GGTA1: variants seen among roughly 807,000 people sequenced by gnomAD.
GGTA1 encodes inactive N-acetyllactosaminide alpha-1,3-galactosyltransferase.
Under a neutral mutation model 2.6 loss-of-function variants are expected in GGTA1, and 5 were observed. The ratio of observed to expected loss-of-function variants is 1.92; its 90% CI spans 1.00 to 4.04. The LOEUF (loss-of-function observed/expected upper bound fraction) is 4.04. Among genes scored for constraint, GGTA1 ranks in the 30% most tolerant of loss-of-function variants. The pLI, the probability that GGTA1 is intolerant of heterozygous loss-of-function variation, is 0.00. For missense variants in GGTA1, 50 were observed against 16.7 expected (o/e 2.99, Z -3.47); for synonymous variants, 17 against 5.0 (o/e 3.38, Z -3.19).
rs1163504722 is a variant in GGTA1, at chr9:121,455,501, A to C, written c.*336T>G. 1 of 156,466 alleles carries C rather than the reference A, an allele frequency of 6.4e-6. No homozygotes were observed. The highest frequency in any genetic ancestry group is 1.8e-4 in the East Asian group (1 of 5,550). 9.7% of individuals were successfully genotyped at this position (156,466 alleles called of 1,614,324 possible). ...ATTTGATCTTCATGACCATTCTATG[A>C]AGTGGGTGTTATCATCATTCCCATT... On this transcript the variant is annotated 3_prime_UTR_variant, in exon 6 of 6. Transcript: ENST00000481799.
At chr9:121,453,158 T>C (rs1049783424), downstream of GGTA1, among the ~76,000 whole-genome samples, 3 of 152,210 alleles carry the variant, frequency 2.0e-5, no homozygotes, top group African/African-American at 7.2e-5. Context: ...GATTCTGATG[T>C]TACTGCTTAC....
chr9:121,452,763 C>T (rs1288045826), downstream of GGTA1, among the ~76,000 whole-genome samples: 2 of 152,184 alleles, frequency 1.3e-5, no homozygotes, highest in African/African-American at 2.4e-5. Flanking sequence ...AGGTGATCCG[C>T]CAGCTTCAGC....
At chr9:121,482,408 A>T (rs1461427357) in intron 1 of GGTA1, among the ~76,000 whole-genome samples, 1 of 152,140 alleles carries the variant, frequency 6.6e-6, no homozygotes, top group Non-Finnish European at 1.5e-5. Context: ...CGGAGGTTGC[A>T]GGGAATCAAT....
downstream of GGTA1, among the ~76,000 whole-genome samples, chr9:121,454,878 G>T (rs756291433): frequency 1.3e-4 from 20 of 152,142 alleles, no homozygotes; most frequent in Non-Finnish European, 2.2e-4. Flanking sequence ...GCCAGGCGTG[G>T]TGGTGCACAC....
intron 1 of GGTA1, among the ~76,000 whole-genome samples, chr9:121,496,619 C>G (rs1828997099): frequency 7.3e-6 from 1 of 137,406 alleles, no homozygotes; most frequent in African/African-American, 2.6e-5. Context: ...GTAATCCCAG[C>G]TACTCAGGAG....
At position 121,455,630 on chromosome 9, in the gene GGTA1, C is replaced by T. The variant is rs553961160; in HGVS notation, c.*207G>A. On this transcript the variant is annotated 3_prime_UTR_variant, in exon 6 of 6. Coordinates refer to ENST00000481799, the MANE Select transcript of GGTA1 (RefSeq NM_001382585.1). Reference sequence around the variant, plus strand: ...CTGGAGTGTCTGATCCCCTGACCCACATTTCCCAGTTCCCTGCTCTATACC... The same window carrying T: ...CTGGAGTGTCTGATCCCCTGACCCATATTTCCCAGTTCCCTGCTCTATACC... The T allele has an allele frequency of 2.0e-5, 4 of 200,304 alleles. No homozygotes were observed. Among genetic ancestry groups the T allele is most frequent in the African/African-American group, 9.2e-5 (4 of 43,518 alleles). 12.4% of individuals were successfully genotyped at this position (200,304 alleles called of 1,614,324 possible).
intron 1 of GGTA1, among the ~76,000 whole-genome samples, chr9:121,493,797 C>G (rs910798377): frequency 7.2e-6 from 1 of 139,006 alleles, no homozygotes; most frequent in Non-Finnish European, 1.5e-5. Context: ...TGTTTTGTTG[C>G]CTAGGCTGGA....
At chr9:121,464,351 G>A (rs2064986606) in intron 2 of GGTA1, among the ~76,000 whole-genome samples, 1 of 105,936 alleles carries the variant, frequency 9.4e-6, no homozygotes, top group African/African-American at 3.7e-5. Context: ...TTTTGAGATG[G>A]AGTCTTGCTC....
At position 121,467,824 on chromosome 9, in the gene GGTA1, CA is replaced by C. The variant is rs2065015501; in HGVS notation, c.80+18del. On this transcript the variant is annotated intron_variant, in intron 2 of 5. Transcript: ENST00000481799. ...AGCAGTATTTTCATCCACATCACTT[CA>C]TCATGTTTCATAATTACCTGTTGAT... 2.2e-6 allele frequency: 1 copy of C among 455,086 alleles called. No individual in the cohort carries two copies. Among genetic ancestry groups the C allele is most frequent in the Non-Finnish European group, 4.4e-6 (1 of 226,498 alleles). The allele number at this position is 455,086 out of a possible 1,614,324, so 28.2% of individuals were successfully genotyped here. A position where few individuals can be genotyped will look rare whatever the true frequency, so the allele number is the denominator to read the frequency against.
At chr9:121,497,921 A>G (rs955506932) in intron 1 of GGTA1, among the ~76,000 whole-genome samples, 24 of 152,238 alleles carry the variant, frequency 1.6e-4, no homozygotes, top group African/African-American at 5.8e-4. Context: ...CACCATGGCC[A>G]GACAAAGGCA....
downstream of GGTA1, among the ~76,000 whole-genome samples, chr9:121,454,888 C>A (rs1270011023): frequency 2.6e-5 from 4 of 152,252 alleles, no homozygotes; most frequent in African/African-American, 9.6e-5. Flanking sequence ...GTGGTGCACA[C>A]CTGTAATCCC....
Position 121,475,297 on chromosome 9 carries a change from A to C in GGTA1, c.-9-7366T>G, listed in dbSNP as rs187895090. ...TCAGGAAGTTACCCTATATGGTCTA[A>C]AAAGGGGAGCCATGAATAATCCACC... On this transcript the variant is annotated intron_variant, in intron 1 of 5. Transcript: ENST00000481799. Among the ~76,000 whole-genome samples, 178 of 152,292 alleles carry C rather than the reference A, an allele frequency of 1.2e-3. 1 individual carries two copies. Among genetic ancestry groups the C allele is most frequent in the African/African-American group, 4.1e-3 (169 of 41,560 alleles).
chr9:121,454,316 A>G (rs1184211570), downstream of GGTA1, among the ~76,000 whole-genome samples: 1 of 152,226 alleles, frequency 6.6e-6, no homozygotes, highest in Non-Finnish European at 1.5e-5. Flanking sequence ...CCTGCAATGT[A>G]TCATGTCCAT....
intron 7 of GGTA1, among the ~76,000 whole-genome samples, chr9:121,449,540 C>G (rs954660449): frequency 5.3e-5 from 8 of 152,032 alleles, no homozygotes; most frequent in Non-Finnish European, 1.0e-4. Flanking sequence ...ATTTGAAAAG[C>G]ATTGCACGCC....
chr9:121,479,694 G>A (rs1450376169), intron 1 of GGTA1, among the ~76,000 whole-genome samples: 3 of 152,082 alleles, frequency 2.0e-5, no homozygotes, highest in Admixed American at 1.3e-4. Flanking sequence ...CAATGGAGAC[G>A]TTAAAACACA....
chr9:121,489,123 A>G (rs1322459221), intron 1 of GGTA1, among the ~76,000 whole-genome samples: 2 of 152,246 alleles, frequency 1.3e-5, no homozygotes, highest in African/African-American at 4.8e-5. Flanking sequence ...TTAATTATGT[A>G]AACTTACAAT....
In GGTA1 at chr9:121,455,417, G is replaced by T. The variant is rs866552932; in HGVS notation, c.*420C>A. 2 of 152,482 alleles carry T rather than the reference G, an allele frequency of 1.3e-5. No homozygotes were observed. Among genetic ancestry groups the T allele is most frequent in the African/African-American group, 4.8e-5 (2 of 41,438 alleles). The allele number at this position is 152,482 out of a possible 1,614,324, so 9.4% of individuals were successfully genotyped here. ...TTTAAAAAAGGAAAAGGAGGAATAGGTATACTTATTTAATACTTATTGTGC... is the reference window on the plus strand; with the variant it reads ...TTTAAAAAAGGAAAAGGAGGAATAGTTATACTTATTTAATACTTATTGTGC... On this transcript the variant is annotated 3_prime_UTR_variant, in exon 6 of 6. Transcript: ENST00000481799.
rs370898852 is a variant in GGTA1 at position 121,460,952 on chromosome 9, T to C, written c.182+300A>G. ...ATTTATCTGGATGTGGTAGTGCATGTCTGTAGTCTAGCTACTCGTGAGGCT... is the reference window on the plus strand; with the variant it reads ...ATTTATCTGGATGTGGTAGTGCATGCCTGTAGTCTAGCTACTCGTGAGGCT... On this transcript the variant is annotated intron_variant, in intron 4 of 5. Coordinates refer to ENST00000481799, the MANE Select transcript of GGTA1 (RefSeq NM_001382585.1). Among the ~76,000 whole-genome samples the C allele has an allele frequency of 2.6e-4, 39 of 151,860 alleles. 1 individual carries two copies. In the South Asian group the frequency reaches 7.9e-3, roughly 31 times the overall value.
At chr9:121,466,200 G>A (rs2065004124) in intron 2 of GGTA1, among the ~76,000 whole-genome samples, 1 of 152,186 alleles carries the variant, frequency 6.6e-6, no homozygotes, top group Non-Finnish European at 1.5e-5. Context: ...GATTACAGGT[G>A]TGAGCCACCA....
Sources: allele counts gnomAD v4.1 joint callset (sites outside exome capture counted in the v4.1 genomes callset), GRCh38; gene constraint gnomAD v4.1.1; transcripts MANE v1.5; gene names NCBI Gene and HGNC (gene_info 2026-07-23, HGNC 2026-07-21).